Variants in DEDD observed in about 807,000 individuals in gnomAD.
The protein encoded by DEDD is death effector domain-containing protein.
A neutral mutation model predicts 29.2 loss-of-function variants in DEDD; 3 were observed. The observed-to-expected ratio is 0.10, with a 90% CI of 0.05 to 0.27. The LOEUF is 0.27. Ranked by LOEUF, DEDD falls within the 10% of genes least tolerant of loss-of-function variation. DEDD has a pLI of 1.00. For missense variants in DEDD, 261 were observed against 420.5 expected (o/e 0.62, Z 3.32); for synonymous variants, 152 against 161.3 (o/e 0.94, Z 0.44).
rs780731560 is a variant in DEDD at position 161,122,555 on chromosome 1, G to A, written c.581-32C>T. The A allele has an allele frequency of 6.3e-7, 1 of 1,594,392 alleles. No individual in the cohort carries two copies. Among genetic ancestry groups the A allele is most frequent in the Admixed American group, 1.7e-5 (1 of 57,320 alleles). The stretch of plus-strand genomic sequence containing the variant: ...GAAACAGAAGATACAGAGCAGAAGA[G>A]GTTACAGTAAGGGATGAGTTTACAA... On this transcript the variant is annotated intron_variant, in intron 5 of 5. Transcript: ENST00000368006. The surrounding 1 kb of genome is among the most constrained non-coding windows in gnomAD (Gnocchi z 4.2).
intron 2 of DEDD, among the ~76,000 whole-genome samples, chr1:161,125,889 T>C (rs1557982048): frequency 6.6e-6 from 1 of 152,202 alleles, no homozygotes; most frequent in South Asian, 2.1e-4. Flanking sequence ...ATTCGTTATA[T>C]AGTTTGGCTC....
rs1405868126 is a variant in DEDD at position 161,121,951 on chromosome 1, A to T, written c.*196T>A. On this transcript the variant is annotated 3_prime_UTR_variant, in exon 6 of 6. Transcript: ENST00000368006. ...ACGGGGTAAATGGAAAAGGGAAATA[A>T]AGGGGAAGCCCAGGCACATGGGTGC... 1.5e-6 allele frequency: 1 copy of T among 647,934 alleles called. No homozygotes were observed. Among genetic ancestry groups the T allele is most frequent in the Non-Finnish European group, 2.6e-6 (1 of 389,750 alleles). The allele number at this position is 647,934 out of a possible 1,614,324, so 40.1% of individuals were successfully genotyped here.
At position 161,124,523 on chromosome 1, in the gene DEDD, C is replaced by T. The variant is rs148972875; in HGVS notation, c.-61G>A. 8.6e-4 allele frequency: 1,329 copies of T among 1,548,876 alleles called. 2 individuals carry two copies. The highest frequency in any genetic ancestry group is 1.6e-3 in the Middle Eastern group (8 of 4,866). ...CCTGCTCAGCAGCTGCAATCCCCAC[C>T]GTACTGAAAGGGCAGGGAAAGAACC... On this transcript the variant is annotated 5_prime_UTR_variant, in exon 3 of 6. Transcript: ENST00000368006.
rs761160550 is a variant in DEDD at position 161,123,915 on chromosome 1, C to T, written c.357G>A (p.Glu119=). The T allele has an allele frequency of 2.5e-6, 4 of 1,613,916 alleles. No homozygotes were observed. Among genetic ancestry groups the T allele is most frequent in the Admixed American group, 1.7e-5 (1 of 59,984 alleles). ...VCPDLVDKYL[E]ETSIRYVTPR... ...GGGTCACATAGCGAATTGATGTCTCCTCCAGATACTTGTCTACAAGATCAG... is the reference window on the plus strand; with the variant it reads ...GGGTCACATAGCGAATTGATGTCTCTTCCAGATACTTGTCTACAAGATCAG... The change falls in exon 4 of 6, where the codon GAG becomes GAA. Residue 119 remains glutamate, a synonymous_variant. Coordinates refer to ENST00000368006, the MANE Select transcript of DEDD (RefSeq NM_032998.3).
In DEDD at chr1:161,124,512, G is replaced by A. The variant is rs1038554389; in HGVS notation, c.-50C>T. The A allele has an allele frequency of 6.4e-6, 10 of 1,562,116 alleles. No individual in the cohort carries two copies. Among genetic ancestry groups the A allele is most frequent in the Non-Finnish European group, 8.7e-6 (10 of 1,149,756 alleles). On this transcript the variant is annotated 5_prime_UTR_variant, in exon 3 of 6. Transcript: ENST00000368006. ...TTTCCAGAATCCCTGCTCAGCAGCT[G>A]CAATCCCCACCGTACTGAAAGGGCA...
intron 2 of DEDD, among the ~76,000 whole-genome samples, chr1:161,125,644 G>T (rs991651547): frequency 1.3e-5 from 2 of 152,134 alleles, no homozygotes; most frequent in Admixed American, 1.3e-4. Context: ...TGGGATTACA[G>T]GCACGCACCA....
At chr1:161,125,583 C>G (rs766173521) in intron 2 of DEDD, 1 of 152,046 alleles carries the variant, frequency 6.6e-6, no homozygotes, top group Non-Finnish European at 1.5e-5. Context: ...CTCACTGCAA[C>G]CTCCGCCTCC....
intron 1 of DEDD, 56 bp downstream of exon 1, chr1:161,132,495 C>CCCCGCCCCGT (rs1186558047): frequency 6.5e-6 from 1 of 154,622 alleles, no homozygotes. Flanking sequence ...CCCCGCCCGG[C>CCCCGCCCCGT]CCCGCCCCGT....
Position 161,122,860 on chromosome 1 carries a change from C to T in DEDD, c.580+215G>A. Reference sequence around the variant, plus strand: ...ACAATAAGGATGTCATAACAACATCCCTGTGATGTAGTATTAACTAACAAG... The same window carrying T: ...ACAATAAGGATGTCATAACAACATCTCTGTGATGTAGTATTAACTAACAAG... On this transcript the variant is annotated intron_variant, in intron 5 of 5. Coordinates refer to ENST00000368006, the MANE Select transcript of DEDD (RefSeq NM_032998.3). The surrounding 1 kb of genome is among the most constrained non-coding windows in gnomAD (Gnocchi z 4.2). 1.2e-6 allele frequency: 1 copy of T among 855,558 alleles called. No individual in the cohort carries two copies. The highest frequency in any genetic ancestry group is 2.2e-5 in the Admixed American group (1 of 45,278). The allele number at this position is 855,558 out of a possible 1,614,324, so 53.0% of individuals were successfully genotyped here. A position where few individuals can be genotyped will look rare whatever the true frequency, so the allele number is the denominator to read the frequency against.
At chr1:161,123,353 T>C (rs1655746312) in intron 4 of DEDD, 132 bp from the exon 5 acceptor site, 1 of 915,590 alleles carries the variant, frequency 1.1e-6, no homozygotes. Context: ...TGAAAAGACA[T>C]GTGAGACCAG....
chr1:161,121,047 A>G lies in DEDD; in HGVS notation c.*1100T>C. On this transcript the variant is annotated 3_prime_UTR_variant, in exon 6 of 6. Coordinates refer to ENST00000368006, the MANE Select transcript of DEDD (RefSeq NM_032998.3). Reference sequence around the variant, plus strand: ...AGGGCTGAGCAGCACTGGCATTGAAAAATATAATAATCATAAAGTCTGTGT... The same window carrying G: ...AGGGCTGAGCAGCACTGGCATTGAAGAATATAATAATCATAAAGTCTGTGT... The G allele has an allele frequency of 7.8e-7, 1 of 1,287,084 alleles. No individual in the cohort carries two copies. Among genetic ancestry groups the G allele is most frequent in the Non-Finnish European group, 9.9e-7 (1 of 1,012,164 alleles). The allele number at this position is 1,287,084 out of a possible 1,614,324, so 79.7% of individuals were successfully genotyped here.
chr1:161,126,025 C>T (rs991417651), intron 2 of DEDD, among the ~76,000 whole-genome samples: 5 of 152,198 alleles, frequency 3.3e-5, no homozygotes, highest in Non-Finnish European at 7.3e-5. Flanking sequence ...CCAGACAGTA[C>T]CATCCTATAC....
At chr1:161,131,408 A>G (rs181603099) in intron 1 of DEDD, among the ~76,000 whole-genome samples, 1 of 152,210 alleles carries the variant, frequency 6.6e-6, no homozygotes, top group Admixed American at 6.5e-5. Context: ...CCTCCCTTCC[A>G]GACTTAAAAC....
rs1437593336 is a variant in DEDD at position 161,124,343 on chromosome 1, T to A, written c.120A>T (p.Arg40Ser). The change falls in exon 3 of 6, where the codon AGA becomes AGT. Residue 40 changes from arginine (R) to serine (S), a missense_variant. Transcript: ENST00000368006. ...FDIVGTHLTH[R>S]DVRVLSFLFV... is the part of the protein sequence containing the mutation. The stretch of plus-strand genomic sequence containing the variant: ...AGAGGAAAGAAAGCACGCGCACATC[T>A]CTGTGTGTCAGATGAGTGCCCACGA... The A allele has an allele frequency of 1.2e-6, 2 of 1,614,100 alleles. No homozygotes were observed. Among genetic ancestry groups the A allele is most frequent in the South Asian group, 2.2e-5 (2 of 91,090 alleles).
chr1:161,131,407 C>T (rs900592801), intron 1 of DEDD, among the ~76,000 whole-genome samples: 4 of 152,132 alleles, frequency 2.6e-5, no homozygotes, highest in African/African-American at 9.7e-5. Context: ...CCCTCCCTTC[C>T]AGACTTAAAA....
In DEDD at chr1:161,129,124, C is replaced by G. The variant is rs2101762040; in HGVS notation, c.-65+1691G>C. On this transcript the variant is annotated intron_variant, in intron 2 of 5. Transcript: ENST00000368006. ...GAGCAGCAAATTCTCCTTGTGAGGT[C>G]ACTAATCAGACTTATATTGCTTATT... Among the ~76,000 whole-genome samples, 3 of 152,260 alleles carry G rather than the reference C, an allele frequency of 2.0e-5. No homozygotes were observed. The South Asian group carries it at 6.2e-4, about 32-fold the overall frequency.
At chr1:161,130,421 C>G (rs1321371862) in intron 2 of DEDD, among the ~76,000 whole-genome samples, 1 of 152,122 alleles carries the variant, frequency 6.6e-6, no homozygotes, top group Admixed American at 6.5e-5. Context: ...AACCCCCCAA[C>G]AGCTGAAAGA....
intron 2 of DEDD, 143 bp from the exon 3 acceptor site, chr1:161,124,669 A>T: frequency 8.8e-7 from 1 of 1,140,134 alleles, no homozygotes; most frequent in Non-Finnish European, 1.2e-6. Context: ...GTTTGTTTAA[A>T]AATAAACACT....
chr1:161,123,801 T>G (rs1436240739), intron 4 of DEDD, 38 bp downstream of exon 4: 5 of 1,555,702 alleles, frequency 3.2e-6, no homozygotes, highest in Non-Finnish European at 4.4e-6. Context: ...GTCCTTTTAC[T>G]TGATGATGGA....
Sources: gnomAD v4.1 joint callset for allele counts (sites outside exome capture counted in the v4.1 genomes callset) on GRCh38, gnomAD v4.1.1 for gene constraint, Gnocchi (gnomAD v3.1) non-coding constraint, MANE v1.5 for transcripts, NCBI Gene and HGNC (gene_info 2026-07-23, HGNC 2026-07-21) for gene names.